The following CENPH variants were observed in gnomAD, a reference collection of about 807,000 sequenced individuals.
The protein encoded by CENPH is CENP-H.
In CENPH, 40 loss-of-function variants were observed where a neutral mutation model predicts 42.9. That is an observed-to-expected ratio of 0.93 (90% confidence interval 0.72 to 1.21). The LOEUF (loss-of-function observed/expected upper bound fraction) is 1.21. CENPH is among the 50% of genes most tolerant of loss of function. The probability of loss-of-function intolerance (pLI) is 0.00; values close to 1 mark genes in which losing one functional copy is unlikely to be tolerated. For missense variants in CENPH, 302 were observed against 292.9 expected, an observed-to-expected ratio of 1.03 and a Z score of -0.23; for synonymous variants, 88 against 96.5, an observed-to-expected ratio of 0.91 and a Z score of 0.52.
chr5:69,203,231 A>G (rs1464500746), intron 7 of CENPH, among the ~76,000 whole-genome samples: 1 of 152,178 alleles, frequency 6.6e-6, no homozygotes, highest in Admixed American at 6.6e-5. Context: ...CAGTGACTTG[A>G]TCTTGGCTCA....
intron 5 of CENPH, among the ~76,000 whole-genome samples, chr5:69,198,781 A>G (rs1256066151): frequency 6.6e-6 from 1 of 152,050 alleles, no homozygotes; most frequent in African/African-American, 2.4e-5. Context: ...AAAAATTTTT[A>G]AAAATTAGCC....
At chr5:69,206,746 TC>T (rs1336119621) in intron 7 of CENPH, among the ~76,000 whole-genome samples, 1 of 152,292 alleles carries the variant, frequency 6.6e-6, no homozygotes, top group East Asian at 1.9e-4. Flanking sequence ...TCCACCCTCC[TC>T]AGCCTCCCAC....
At chr5:69,191,248 C>T (rs1286873692) in intron 1 of CENPH, among the ~76,000 whole-genome samples, 1 of 152,204 alleles carries the variant, frequency 6.6e-6, no homozygotes, top group Admixed American at 6.5e-5. Context: ...TGCGGTGGCT[C>T]ACGCCTGTAA....
chr5:69,201,992 T>G (rs962234962), intron 5 of CENPH, among the ~76,000 whole-genome samples: 1 of 152,212 alleles, frequency 6.6e-6, no homozygotes, highest in Non-Finnish European at 1.5e-5. Flanking sequence ...GGGATGTTGA[T>G]AATGGGAGAG....
chr5:69,205,886 T>A (rs1748150344), intron 7 of CENPH, among the ~76,000 whole-genome samples: 1 of 151,296 alleles, frequency 6.6e-6, no homozygotes, highest in African/African-American at 2.4e-5. Flanking sequence ...TTTTTTTGTA[T>A]TTTTAGTAGA....
chr5:69,196,356 C>G lies in CENPH; in HGVS notation c.314+565C>G, dbSNP rs1469462168. ...TAAGTGAAAAATGCATTTAATACACCTAACCTGGCTGGGCGCGGTGGCTCG... is the reference window on the plus strand; with the variant it reads ...TAAGTGAAAAATGCATTTAATACACGTAACCTGGCTGGGCGCGGTGGCTCG... On this transcript the variant is annotated intron_variant, in intron 4 of 8. Coordinates refer to ENST00000283006, the MANE Select transcript of CENPH (RefSeq NM_022909.4). 2.0e-5 allele frequency among the ~76,000 whole-genome samples: 3 copies of G among 152,132 alleles called. No homozygotes were observed. The East Asian group carries it at 5.8e-4, about 29-fold the overall frequency.
rs1748219496 is a variant in CENPH, at chr5:69,209,905, A to G, written c.*106A>G. 1 of 661,886 alleles carries G rather than the reference A, an allele frequency of 1.5e-6. No homozygotes were observed. Among genetic ancestry groups the G allele is most frequent in the Non-Finnish European group, 2.6e-6 (1 of 379,288 alleles). 41.0% of individuals were successfully genotyped at this position (661,886 alleles called of 1,614,324 possible). ...ACCGTAATTTTAGAAAAGCATATCC[A>G]TAACGTTTACAGTTGTAGTACAGTT... is the stretch of plus-strand genomic sequence containing the variant. On this transcript the variant is annotated 3_prime_UTR_variant, in exon 9 of 9. Coordinates refer to ENST00000283006, the MANE Select transcript of CENPH (RefSeq NM_022909.4).
At chr5:69,194,847 A>G (rs1346178829) in intron 3 of CENPH, 152 bp downstream of exon 3, 2 of 480,834 alleles carry the variant, frequency 4.2e-6, no homozygotes, top group African/African-American at 4.1e-5. Flanking sequence ...CCTGGGCTCA[A>G]GGGATCCACT....
intron 1 of CENPH, among the ~76,000 whole-genome samples, chr5:69,190,040 C>A (rs1747841285): frequency 6.6e-6 from 1 of 152,196 alleles, no homozygotes; most frequent in South Asian, 2.1e-4. Context: ...ATTTCTCCTC[C>A]TGTTTCCCCG....
intron 1 of CENPH, among the ~76,000 whole-genome samples, chr5:69,190,395 C>T (rs1747848388): frequency 6.6e-6 from 1 of 152,164 alleles, no homozygotes; most frequent in Non-Finnish European, 1.5e-5. Flanking sequence ...CACGTGAACT[C>T]TATTAGAAAT....
Position 69,209,880 on chromosome 5 carries a change from A to G in CENPH, c.*81A>G. On this transcript the variant is annotated 3_prime_UTR_variant, in exon 9 of 9. Coordinates refer to ENST00000283006, the MANE Select transcript of CENPH (RefSeq NM_022909.4). ...AATACTTCTGTGCATTTGTCTGTCCACCGTAATTTTAGAAAAGCATATCCA... is the reference window on the plus strand; with the variant it reads ...AATACTTCTGTGCATTTGTCTGTCCGCCGTAATTTTAGAAAAGCATATCCA... 1 of 797,490 alleles carries G rather than the reference A, an allele frequency of 1.3e-6. No individual in the cohort carries two copies. Among genetic ancestry groups the G allele is most frequent in the Non-Finnish European group, 2.1e-6 (1 of 476,326 alleles). The allele number at this position is 797,490 out of a possible 1,614,324, so 49.4% of individuals were successfully genotyped here.
chr5:69,192,536 T>C (rs1179899116), intron 2 of CENPH, among the ~76,000 whole-genome samples: 1 of 152,138 alleles, frequency 6.6e-6, no homozygotes, highest in Non-Finnish European at 1.5e-5. Context: ...ATCTGCTCTT[T>C]TAGAGGCCAA....
chr5:69,195,753 A>G lies in CENPH; in HGVS notation c.276A>G (p.Val92=), dbSNP rs1215820382. ...IEDLENEIEE[V]KVAFEIKKLA... ...ACCTGGAAAATGAAATTGAAGAGGT[A>G]AAAGTTGCTTTTGAGATAAAAAAGC... is the stretch of plus-strand genomic sequence containing the variant. Residue 92 remains valine (V), a synonymous_variant, in exon 4 of 9, where the codon GTA becomes GTG. Coordinates refer to ENST00000283006, the MANE Select transcript of CENPH (RefSeq NM_022909.4). The G allele has an allele frequency of 2.6e-6, 4 of 1,562,900 alleles. No homozygotes were observed. Among genetic ancestry groups the G allele is most frequent in the African/African-American group, 2.8e-5 (2 of 72,456 alleles).
rs70992906 is a variant in CENPH at position 69,200,719 on chromosome 5, C to CTTTTTTTTT, written c.372-1761_372-1753dup. 7.1e-3 allele frequency among the ~76,000 whole-genome samples: 332 copies of CTTTTTTTTT among 46,908 alleles called. 72 individuals are homozygous for CTTTTTTTTT. The highest frequency in any genetic ancestry group is 8.6e-3 in the Non-Finnish European group (206 of 24,016). The allele number at this position is 46,908 out of a possible 152,430, so 30.8% of individuals were successfully genotyped here. ...TCCCAAACTTTCTGAATCAGCGTAT[C>CTTTTTTTTT]TTTTTTTTTTTTTTTTTTTTTTTTT... On this transcript the variant is annotated intron_variant, in intron 5 of 8. Coordinates refer to ENST00000283006, the MANE Select transcript of CENPH (RefSeq NM_022909.4).
At chr5:69,197,179 T>A in intron 5 of CENPH, 70 bp downstream of exon 5, 2 of 973,968 alleles carry the variant, frequency 2.1e-6, no homozygotes, top group East Asian at 2.8e-5. Context: ...TTGTGAATTT[T>A]AAAAAATTAT....
Position 69,209,927 on chromosome 5 carries a change from A to G in CENPH, c.*128A>G. ...TCCATAACGTTTACAGTTGTAGTACAGTTGTGGTTAGTTATTTGTAGTGGG... is the reference window on the plus strand; with the variant it reads ...TCCATAACGTTTACAGTTGTAGTACGGTTGTGGTTAGTTATTTGTAGTGGG... On this transcript the variant is annotated 3_prime_UTR_variant, in exon 9 of 9. Transcript: ENST00000283006. The G allele has an allele frequency of 2.0e-6, 1 of 495,342 alleles. No individual in the cohort carries two copies. Among genetic ancestry groups the G allele is most frequent in the Non-Finnish European group, 3.5e-6 (1 of 281,764 alleles). 30.7% of individuals were successfully genotyped at this position (495,342 alleles called of 1,614,324 possible). A position where few individuals can be genotyped will look rare whatever the true frequency, so the allele number is the denominator to read the frequency against.
intron 2 of CENPH, among the ~76,000 whole-genome samples, chr5:69,192,630 C>G (rs756369607): frequency 6.6e-6 from 1 of 152,058 alleles, no homozygotes; most frequent in Non-Finnish European, 1.5e-5. Context: ...ATAAAAAAAA[C>G]GTAGCCAGAT....
intron 2 of CENPH, among the ~76,000 whole-genome samples, chr5:69,192,409 A>G (rs986523461): frequency 1.3e-5 from 2 of 152,220 alleles, no homozygotes; most frequent in Non-Finnish European, 2.9e-5. Flanking sequence ...GTGACATCCA[A>G]AAACTAGATT....
chr5:69,193,870 C>G (rs1341824553), intron 2 of CENPH, among the ~76,000 whole-genome samples: 2 of 151,900 alleles, frequency 1.3e-5, no homozygotes, highest in Non-Finnish European at 2.9e-5. Flanking sequence ...AGGCTGGTCT[C>G]TTAACTCCTG....
Sources: allele counts gnomAD v4.1 joint callset (sites outside exome capture counted in the v4.1 genomes callset), GRCh38; gene constraint gnomAD v4.1.1; transcripts MANE v1.5; gene names NCBI Gene and HGNC (gene_info 2026-07-23, HGNC 2026-07-21).